The following TLN2 variants were observed in gnomAD, a reference collection of about 807,000 sequenced individuals.
The protein encoded by TLN2 is talin-2.
TLN2 carries 118 observed loss-of-function variants against 294.7 expected under a neutral mutation model. The ratio of observed to expected loss-of-function variants is 0.40; its 90% confidence interval spans 0.34 to 0.47. TLN2 has a LOEUF of 0.47. Ranked by LOEUF, TLN2 falls within the 20% of genes least tolerant of loss-of-function variation. The probability of loss-of-function intolerance (pLI) is 0.84; values close to 1 mark genes in which losing one functional copy is unlikely to be tolerated. For missense variants in TLN2, 3,083 were observed against 3,282.2 expected, an observed-to-expected ratio of 0.94 and a Z score of 1.48; for synonymous variants, 1,431 against 1,304.5, an observed-to-expected ratio of 1.10 and a Z score of -2.09.
At chr15:62,599,119 T>C (rs953943319) in intron 2 of TLN2, among the ~76,000 whole-genome samples, 3 of 152,204 alleles carry the variant, frequency 2.0e-5, no homozygotes, top group Non-Finnish European at 4.4e-5. Context: ...AATATACTTC[T>C]TTTCCAAACA....
In TLN2 at chr15:62,577,676, G is replaced by C. The variant is rs147205205; in HGVS notation, c.-237-12011G>C. ...TTCATGATGATGTTTTCTTTGTTTT[G>C]TATATATTTAACTTATAAAAATTTT... On this transcript the variant is annotated intron_variant, in intron 1 of 58. Transcript: ENST00000636159. 1.3e-3 allele frequency among the ~76,000 whole-genome samples: 198 copies of C among 152,100 alleles called. 2 individuals carry two copies. The highest frequency in any genetic ancestry group is 4.6e-3 in the African/African-American group (189 of 41,454).
intron 1 of TLN2, among the ~76,000 whole-genome samples, chr15:62,451,528 G>A (rs558408466): frequency 4.6e-5 from 7 of 152,274 alleles, no homozygotes; most frequent in Admixed American, 6.5e-5. Flanking sequence ...ATGGTGGTGC[G>A]TGCCTGTAGT....
intron 14 of TLN2, among the ~76,000 whole-genome samples, chr15:62,694,658 T>C (rs1215499698): frequency 6.6e-6 from 1 of 152,154 alleles, no homozygotes; most frequent in African/African-American, 2.4e-5. Context: ...TGTTCATGAG[T>C]CCTGTTCTGC....
At chr15:62,770,515 C>A (rs1373241380) in intron 41 of TLN2, among the ~76,000 whole-genome samples, 1 of 152,304 alleles carries the variant, frequency 6.6e-6, no homozygotes, top group African/African-American at 2.4e-5. Flanking sequence ...ATGCTCTGGG[C>A]AAAAGGCAGT....
At chr15:62,681,837 C>T (rs1036057287) in intron 11 of TLN2, among the ~76,000 whole-genome samples, 1 of 152,142 alleles carries the variant, frequency 6.6e-6, no homozygotes, top group Non-Finnish European at 1.5e-5. Flanking sequence ...GTCACCCAGT[C>T]TGGAATGTAG....
chr15:62,740,056 T>G (rs1161278515), intron 31 of TLN2, among the ~76,000 whole-genome samples: 1 of 151,344 alleles, frequency 6.6e-6, no homozygotes, highest in Non-Finnish European at 1.5e-5. Flanking sequence ...TGTTTTTTTT[T>G]TTTTTTCTGC....
chr15:62,472,481 C>T (rs370873), intron 1 of TLN2, among the ~76,000 whole-genome samples: 105,756 of 152,032 alleles, frequency 0.7, 37,088 homozygotes, highest in Middle Eastern at 0.82. Flanking sequence ...CTCAAGTAGG[C>T]ACTTCTCCCG....
intron 50 of TLN2, among the ~76,000 whole-genome samples, chr15:62,804,002 C>T (rs2066106627): frequency 6.6e-6 from 1 of 152,164 alleles, no homozygotes; most frequent in Admixed American, 6.5e-5. Context: ...GGGGGGCACA[C>T]CAAGCTCAGT....
intron 12 of TLN2, among the ~76,000 whole-genome samples, chr15:62,688,796 A>G (rs1177843140): frequency 6.6e-6 from 1 of 152,126 alleles, no homozygotes; most frequent in Non-Finnish European, 1.5e-5. Flanking sequence ...AGTCTACTGT[A>G]TCTAATGTTG....
chr15:62,832,278 G>A (rs1299220696), intron 54 of TLN2: 2 of 152,136 alleles, frequency 1.3e-5, no homozygotes, highest in Non-Finnish European at 2.9e-5. Flanking sequence ...TAAGTTTTGT[G>A]TTACATATAT....
intron 1 of TLN2, among the ~76,000 whole-genome samples, chr15:62,587,309 T>G (rs1284246933): frequency 6.6e-6 from 1 of 152,242 alleles, no homozygotes; most frequent in Non-Finnish European, 1.5e-5. Context: ...TTGTATTCTT[T>G]AGAAAAATAA....
At chr15:62,722,575 C>T (rs1436467220) in intron 26 of TLN2, 88 bp downstream of exon 26, 2 of 1,414,098 alleles carry the variant, frequency 1.4e-6, no homozygotes, top group Non-Finnish European at 1.9e-6. Context: ...ACTGCTGAAC[C>T]TATTTCTTGG....
intron 2 of TLN2, among the ~76,000 whole-genome samples, chr15:62,606,855 C>T (rs546763474): frequency 1.1e-4 from 16 of 152,090 alleles, no homozygotes; most frequent in Non-Finnish European, 2.4e-4. Flanking sequence ...GTGAATAGCA[C>T]CCTCCTCGCA....
At chr15:62,800,296 G>A in intron 48 of TLN2, 72 bp from the exon 49 acceptor site, 3 of 1,569,558 alleles carry the variant, frequency 1.9e-6, no homozygotes, top group Non-Finnish European at 2.6e-6. Context: ...CTGCCCTCAG[G>A]CTGCATGCCT....
At chr15:62,547,224 C>T (rs1448892732) in intron 1 of TLN2, among the ~76,000 whole-genome samples, 1 of 152,188 alleles carries the variant, frequency 6.6e-6, no homozygotes, top group Non-Finnish European at 1.5e-5. Context: ...TGTTGAAAAA[C>T]ATGTTCAGAT....
chr15:62,435,692 C>A (rs1478464606), intron 1 of TLN2, among the ~76,000 whole-genome samples: 2 of 152,154 alleles, frequency 1.3e-5, no homozygotes, highest in African/African-American at 4.8e-5. Context: ...CAGGCGCCTA[C>A]CACCTTGCCT....
At chr15:62,820,704 CTCCT>C in intron 54 of TLN2, 94 bp downstream of exon 54, 1 of 1,500,368 alleles carries the variant, frequency 6.7e-7, no homozygotes, top group South Asian at 1.3e-5. Context: ...GGGAGCTTGG[CTCCT>C]TCCTTATGGT....
At chr15:62,396,292 G>A (rs1343782064) in intron 1 of TLN2, among the ~76,000 whole-genome samples, 2 of 152,158 alleles carry the variant, frequency 1.3e-5, no homozygotes, top group Admixed American at 6.5e-5. Flanking sequence ...GTTCAAACAC[G>A]CAGGCTTTTC....
chr15:62,675,030 T>C (rs533831014), intron 10 of TLN2, among the ~76,000 whole-genome samples, 187 bp from the exon 11 acceptor site: 1 of 152,326 alleles, frequency 6.6e-6, no homozygotes, highest in East Asian at 1.9e-4. Flanking sequence ...ATCCCTGTGT[T>C]AGAACTTCCT....
Sources: allele counts gnomAD v4.1 joint callset (sites outside exome capture counted in the v4.1 genomes callset), GRCh38; gene constraint gnomAD v4.1.1; transcripts MANE v1.5; gene names NCBI Gene and HGNC (gene_info 2026-07-23, HGNC 2026-07-21).